The following TBC1D31 variants were observed in gnomAD, a reference collection of about 807,000 sequenced individuals.
TBC1D31 encodes TBC1 domain family member 31.
TBC1D31 carries 99 observed loss-of-function variants against 132.9 expected under a neutral mutation model. The ratio of observed to expected loss-of-function variants is 0.74; its 90% CI spans 0.63 to 0.88. The LOEUF is 0.88. Ranked by LOEUF, TBC1D31 falls within the 40% of genes least tolerant of loss-of-function variation. The pLI is 0.00. For synonymous variants in TBC1D31, 385 were observed against 419.4 expected, an observed-to-expected ratio of 0.92 and a Z score of 1.00; for missense variants, 1,134 against 1,256.6, an observed-to-expected ratio of 0.90 and a Z score of 1.48.
intron 10 of TBC1D31, among the ~76,000 whole-genome samples, chr8:123,115,487 A>G (rs1014922129): frequency 1.3e-5 from 2 of 152,172 alleles, no homozygotes; most frequent in Non-Finnish European, 2.9e-5. Flanking sequence ...TCCATTAACT[A>G]TGTTAGTTCT....
At chr8:123,073,521 C>T (rs1005982198) in intron 1 of TBC1D31, 11 of 401,248 alleles carry the variant, frequency 2.7e-5, no homozygotes, top group Non-Finnish European at 5.4e-5. Flanking sequence ...AGTTACCTGT[C>T]CTGTTTGAGG....
At chr8:123,136,290 T>C (rs1821082281) in intron 17 of TBC1D31, among the ~76,000 whole-genome samples, 1 of 152,142 alleles carries the variant, frequency 6.6e-6, no homozygotes, top group Non-Finnish European at 1.5e-5. Flanking sequence ...ATAAGAAATG[T>C]TCGTGACTCT....
At chr8:123,089,279 C>A (rs1357684143) in intron 4 of TBC1D31, among the ~76,000 whole-genome samples, 1 of 152,180 alleles carries the variant, frequency 6.6e-6, no homozygotes. Context: ...TAGCACCTCC[C>A]TCAGGGTTGG....
chr8:123,097,515 A>G, intron 6 of TBC1D31, 74 bp downstream of exon 6: 1 of 1,441,696 alleles, frequency 6.9e-7, no homozygotes, highest in South Asian at 1.4e-5. Flanking sequence ...ATTAGCTCTT[A>G]TTTATTTAAC....
At chr8:123,140,923 T>G in intron 18 of TBC1D31, 22 bp downstream of exon 18, 1 of 1,607,924 alleles carries the variant, frequency 6.2e-7, no homozygotes, top group Non-Finnish European at 8.5e-7. Flanking sequence ...ATCCATTTAG[T>G]ATACATGCAG....
At chr8:123,105,611 A>G in intron 8 of TBC1D31, 147 bp downstream of exon 8, 2 of 747,078 alleles carry the variant, frequency 2.7e-6, no homozygotes, top group Non-Finnish European at 3.9e-6. Flanking sequence ...AATTATGCAC[A>G]GGCTGGTCTC....
chr8:123,157,088 G>T (rs920101343), downstream of TBC1D31, among the ~76,000 whole-genome samples: 1 of 152,262 alleles, frequency 6.6e-6, no homozygotes, highest in South Asian at 2.1e-4. Context: ...GGGTGGTCTT[G>T]GCGGGGGTAC....
At chr8:123,076,131 A>T (rs1163737638) in intron 1 of TBC1D31, among the ~76,000 whole-genome samples, 1 of 152,000 alleles carries the variant, frequency 6.6e-6, no homozygotes, top group Non-Finnish European at 1.5e-5. Flanking sequence ...ACAGGGTCTT[A>T]CAGTGTCACC....
At chr8:123,130,112 G>T in intron 15 of TBC1D31, 86 bp from the exon 16 acceptor site, 1 of 1,339,886 alleles carries the variant, frequency 7.5e-7, no homozygotes, top group Non-Finnish European at 1.0e-6. Context: ...GTATTGAAAT[G>T]ATCAGCATGG....
Position 123,126,505 on chromosome 8 carries a change from T to C in TBC1D31, c.1705-3T>C, listed in dbSNP as rs771894332. 5.0e-6 allele frequency: 8 copies of C among 1,611,014 alleles called. 1 individual carries two copies. In the Admixed American group the frequency reaches 6.8e-5, roughly 14 times the overall value. ...ATAATAAATTTTTCCTTATCTGTTT[T>C]AGCTATATGCATGGCCTCTTCTTGA... On this transcript the variant is annotated splice_region_variant and splice_polypyrimidine_tract_variant and intron_variant, in intron 12 of 21. Coordinates refer to ENST00000287380, the MANE Select transcript of TBC1D31 (RefSeq NM_145647.4).
chr8:123,073,231 G>A, intron 1 of TBC1D31: 1 of 470,580 alleles, frequency 2.1e-6, no homozygotes, highest in Non-Finnish European at 4.2e-6. Flanking sequence ...AGGAGGAGAT[G>A]CGGGGTGGAA....
intron 6 of TBC1D31, among the ~76,000 whole-genome samples, chr8:123,098,665 A>G (rs1216175408): frequency 1.3e-5 from 2 of 152,190 alleles, no homozygotes; most frequent in Non-Finnish European, 2.9e-5. Context: ...ATAGTGTTGC[A>G]GTTTATTTTT....
intron 7 of TBC1D31, 53 bp downstream of exon 7, chr8:123,101,060 T>A (rs1817361954): frequency 8.0e-7 from 1 of 1,249,528 alleles, no homozygotes; most frequent in Admixed American, 1.8e-5. Context: ...TTATATATTA[T>A]ATCATCAAGA....
In TBC1D31 at chr8:123,128,463, A is replaced by G; in HGVS notation, c.2067A>G (p.Thr689=). ...QYPKFIVDYQ[T]QERERIRNDE... is the part of the protein sequence containing the mutation. ...CAAAGTTTATTGTGGACTATCAAAC[A>G]CAGGAACGAGAAAGAATAAGGAATG... is the stretch of plus-strand genomic sequence containing the variant. Residue 689 remains threonine (T), a synonymous_variant, in exon 14 of 22, where the codon ACA becomes ACG. Coordinates refer to ENST00000287380, the MANE Select transcript of TBC1D31 (RefSeq NM_145647.4). 6.2e-7 allele frequency: 1 copy of G among 1,613,858 alleles called. No individual in the cohort carries two copies. Among genetic ancestry groups the G allele is most frequent in the Non-Finnish European group, 8.5e-7 (1 of 1,179,734 alleles).
At chr8:123,128,142 T>A in intron 13 of TBC1D31, 139 bp from the exon 14 acceptor site, 1 of 471,108 alleles carries the variant, frequency 2.1e-6, no homozygotes, top group East Asian at 3.3e-5. Flanking sequence ...AAAACTTGAG[T>A]AAAGAAAAGC....
chr8:123,142,537 G>T (rs1190886983), intron 19 of TBC1D31, 81 bp downstream of exon 19: 9 of 1,178,886 alleles, frequency 7.6e-6, no homozygotes, highest in Non-Finnish European at 9.1e-6. Context: ...TCACTTTGTT[G>T]TACAGCCTCG....
chr8:123,136,343 A>C (rs765139734), intron 17 of TBC1D31, among the ~76,000 whole-genome samples: 1 of 152,290 alleles, frequency 6.6e-6, no homozygotes, highest in East Asian at 1.9e-4. Flanking sequence ...AAGCATGTAA[A>C]CCAGATAATT....
intron 10 of TBC1D31, 89 bp from the exon 11 acceptor site, chr8:123,119,966 C>T (rs1196366741): frequency 7.6e-6 from 9 of 1,179,078 alleles, no homozygotes; most frequent in Middle Eastern, 2.9e-4. Context: ...GAAGAATTTT[C>T]ACCAAATATA....
Position 123,093,707 on chromosome 8 carries a change from C to G in TBC1D31, c.636C>G (p.Ser212Arg), listed in dbSNP as rs753379920. 1 of 1,609,752 alleles carries G rather than the reference C, an allele frequency of 6.2e-7. No individual in the cohort carries two copies. Among genetic ancestry groups the G allele is most frequent in the Non-Finnish European group, 8.5e-7 (1 of 1,177,026 alleles). Residue 212 changes from serine (S) to arginine (R), a missense_variant, in exon 5 of 22, where the codon AGC becomes AGG. Physicochemically the swap from Ser to Arg is moderately radical, Grantham distance 110. Transcript: ENST00000287380. ...CKYQLPAPPE[S>R]SSILYKVFAV... ...ATCAATTGCCAGCTCCACCTGAAAG[C>G]TCTAGTATATTATACAAAGTGTTTG...
Sources: gnomAD v4.1 joint callset for allele counts (sites outside exome capture counted in the v4.1 genomes callset) on GRCh38, gnomAD v4.1.1 for gene constraint, MANE v1.5 for transcripts, NCBI Gene and HGNC (gene_info 2026-07-23, HGNC 2026-07-21) for gene names.